ZFP64: variants seen among roughly 807,000 people sequenced by gnomAD.
ZFP64 encodes zinc finger protein 64.
A neutral mutation model predicts 51.6 loss-of-function variants in ZFP64; 14 were observed. The ratio of observed to expected loss-of-function variants is 0.27; its 90% CI spans 0.18 to 0.42. The LOEUF is 0.42. ZFP64 is among the 10% of genes least tolerant of loss of function. ZFP64 has a pLI of 1.00. For missense variants in ZFP64, 754 were observed against 906.8 expected (o/e 0.83, Z 2.16); for synonymous variants, 375 against 361.4 (o/e 1.04, Z -0.43).
At chr20:52,086,102 G>C (rs2078861176) in intron 8 of ZFP64, among the ~76,000 whole-genome samples, 1 of 152,128 alleles carries the variant, frequency 6.6e-6, no homozygotes, top group Non-Finnish European at 1.5e-5. Flanking sequence ...CTCCTCACTT[G>C]TTAGAAGTAG....
At position 52,160,807 on chromosome 20, in the gene ZFP64, G is replaced by A. The variant is rs979011907; in HGVS notation, c.512-433C>T. ...CACCAGGGAAAGATTACACTTCTCA[G>A]CCTCGCCTGCAGCTAGCTGTGATCT... On this transcript the variant is annotated intron_variant, in intron 4 of 5. Transcript: ENST00000216923. This position sits in a 1 kb window ranked among gnomAD's most constrained non-coding sequence, Gnocchi z 4.2. Among the ~76,000 whole-genome samples, 3 of 152,158 alleles carry A rather than the reference G, an allele frequency of 2.0e-5. No individual in the cohort carries two copies. Among genetic ancestry groups the A allele is most frequent in the African/African-American group, 7.2e-5 (3 of 41,432 alleles).
At chr20:52,173,101 C>T (rs186513923) in intron 2 of ZFP64, among the ~76,000 whole-genome samples, 3 of 152,252 alleles carry the variant, frequency 2.0e-5, no homozygotes, top group African/African-American at 4.8e-5. Context: ...TCCTTTTCTA[C>T]CAAATTGCCT....
intron 2 of ZFP64, chr20:52,176,095 C>T (rs1983187479): frequency 2.9e-6 from 1 of 347,780 alleles, no homozygotes; most frequent in African/African-American, 2.2e-5. Context: ...CCAATCGAGT[C>T]TCTTGCTCTG....
intron 4 of ZFP64, among the ~76,000 whole-genome samples, chr20:52,163,577 A>G (rs1386546048): frequency 1.3e-5 from 2 of 152,200 alleles, no homozygotes; most frequent in African/African-American, 4.8e-5. Flanking sequence ...GGCTGATTAG[A>G]TATGATGGTG....
chr20:52,109,280 C>A (rs1276510698), intron 5 of ZFP64, among the ~76,000 whole-genome samples: 1 of 152,064 alleles, frequency 6.6e-6, no homozygotes, highest in Non-Finnish European at 1.5e-5. Flanking sequence ...TCTCCTGCCT[C>A]AGCCTCCCGA....
chr20:52,175,989 C>G (rs953550704), intron 2 of ZFP64: 10 of 985,476 alleles, frequency 1.0e-5, no homozygotes, highest in Middle Eastern at 5.2e-4. Context: ...TGTCCCTCCC[C>G]AGGGGTGAGT....
chr20:52,098,714 A>G (rs1568945411), intron 5 of ZFP64: 12 of 1,307,336 alleles, frequency 9.2e-6, no homozygotes, highest in African/African-American at 1.5e-5. Flanking sequence ...AAAAAATGAA[A>G]GCCATGTGAC....
At chr20:52,109,074 T>A (rs1978408780) in intron 5 of ZFP64, among the ~76,000 whole-genome samples, 1 of 152,148 alleles carries the variant, frequency 6.6e-6, no homozygotes, top group Admixed American at 6.6e-5. Context: ...TTCTGCAAAT[T>A]AAAGTGAAGA....
At chr20:52,084,301 C>G (rs1018996608) in exon 9 of ZFP64, 2 of 503,392 alleles carry the variant, frequency 4.0e-6, no homozygotes, top group Non-Finnish European at 3.5e-6. Context: ...TGGCAGACCC[C>G]GCCTTTGAAT....
intron 1 of ZFP64, among the ~76,000 whole-genome samples, chr20:52,190,940 C>T (rs530705368): frequency 6.6e-6 from 1 of 152,240 alleles, no homozygotes; most frequent in Admixed American, 6.5e-5. Context: ...CACGCTCTCG[C>T]TCCCAGGTGG....
chr20:52,166,795 T>C (rs903421421), intron 2 of ZFP64, among the ~76,000 whole-genome samples: 43 of 152,196 alleles, frequency 2.8e-4, no homozygotes, highest in Non-Finnish European at 5.9e-5. Flanking sequence ...CTATAATTTA[T>C]GCCAGGTAAG....
At position 52,107,742 on chromosome 20, in the gene ZFP64, C is replaced by T. The variant is rs1978342574; in HGVS notation, c.764-9155G>A. ...GTAAATATTCCACTGTGTGAAAATG[C>T]CAGTTTCTTCACCTACTCTCCTGTT... On this transcript the variant is annotated intron_variant, in intron 5 of 8. Coordinates refer to the ZFP64 transcript ENST00000361387. Among the ~76,000 whole-genome samples the T allele has an allele frequency of 2.6e-5, 4 of 152,168 alleles. No homozygotes were observed. The South Asian group carries it at 8.3e-4, about 32-fold the overall frequency.
At chr20:52,173,185 T>A (rs894540050) in intron 2 of ZFP64, among the ~76,000 whole-genome samples, 2 of 152,198 alleles carry the variant, frequency 1.3e-5, no homozygotes, top group African/African-American at 4.8e-5. Flanking sequence ...AACTTAAAAA[T>A]TCCATTTAAC....
chr20:52,148,511 G>A (rs1484433591), downstream of ZFP64, among the ~76,000 whole-genome samples: 2 of 152,196 alleles, frequency 1.3e-5, no homozygotes, highest in Non-Finnish European at 2.9e-5. Flanking sequence ...GACGAGCATG[G>A]CCAACATGGC....
At chr20:52,175,989 C>T (rs953550704) in intron 2 of ZFP64, 3 of 985,594 alleles carry the variant, frequency 3.0e-6, no homozygotes, top group Non-Finnish European at 3.6e-6. Context: ...TGTCCCTCCC[C>T]AGGGGTGAGT....
intron 5 of ZFP64, chr20:52,110,989 T>C: frequency 6.7e-7 from 1 of 1,500,804 alleles, no homozygotes; most frequent in South Asian, 1.1e-5. Context: ...GGGAATGACC[T>C]TGTAGAAAGT....
At chr20:52,184,499 C>T (rs1280998429) in intron 2 of ZFP64, among the ~76,000 whole-genome samples, 1 of 152,140 alleles carries the variant, frequency 6.6e-6, no homozygotes, top group Non-Finnish European at 1.5e-5. Context: ...AATATGTAGG[C>T]ATATGTATTT....
chr20:52,098,478 C>T, exon 6 of ZFP64: 1 of 1,614,132 alleles, frequency 6.2e-7, no homozygotes, highest in South Asian at 1.1e-5. Context: ...CAAGGGTGGC[C>T]ATTTGTTCCC....
At position 52,153,188 on chromosome 20, in the gene ZFP64, C is replaced by A; in HGVS notation, c.1004G>T (p.Arg335Leu). The A allele has an allele frequency of 1.2e-6, 2 of 1,614,222 alleles. No homozygotes were observed. The highest frequency in any genetic ancestry group is 1.7e-6 in the Non-Finnish European group (2 of 1,180,040). ...DSKATLRKHS[R>L]VHQSEHPEKC... ...CTCAGGATGCTCCGACTGGTGCACG[C>A]GGCTGTGCTTCCGGAGGGTGGCTTT... is the stretch of plus-strand genomic sequence containing the variant. The change falls in exon 6 of 6, where the codon CGC becomes CTC. Residue 335 changes from arginine (R) to leucine (L), a missense_variant. This residue lies in a region of ZFP64 where 428 missense variants were observed against 472.4 expected (regional missense o/e 0.91). Transcript: ENST00000216923. The surrounding 1 kb of genome is among the most constrained non-coding windows in gnomAD (Gnocchi z 5.1).
Sources: gnomAD v4.1 joint callset for allele counts (sites outside exome capture counted in the v4.1 genomes callset) on GRCh38, gnomAD v4.1.1 for gene constraint, gnomAD v4.1.1 regional missense constraint, Gnocchi (gnomAD v3.1) non-coding constraint, MANE v1.5 for transcripts, NCBI Gene and HGNC (gene_info 2026-07-23, HGNC 2026-07-21) for gene names.